DUXA: variants seen among roughly 807,000 people sequenced by gnomAD.
The protein encoded by DUXA is double homeobox A, also known as double homeobox protein A.
A neutral mutation model predicts 27.5 loss-of-function variants in DUXA; 25 were observed. The ratio of observed to expected loss-of-function variants is 0.91; its 90% confidence interval spans 0.66 to 1.27. The LOEUF (loss-of-function observed/expected upper bound fraction) is 1.27. Among genes scored for constraint, DUXA ranks in the 50% most tolerant of loss-of-function variants. The probability of loss-of-function intolerance (pLI) is 0.00; values close to 1 mark genes in which losing one functional copy is unlikely to be tolerated. For missense variants in DUXA, 247 were observed against 242.9 expected (o/e 1.02, Z -0.11); for synonymous variants, 90 against 80.5 (o/e 1.12, Z -0.63).
At chr19:57,156,789 G>A (rs548987171) in intron 4 of DUXA, among the ~76,000 whole-genome samples, 4 of 152,080 alleles carry the variant, frequency 2.6e-5, no homozygotes, top group Non-Finnish European at 4.4e-5. Context: ...CTCAGCCTCC[G>A]GAGTAGCTGG....
At chr19:57,162,824 T>C (rs1220666779) in intron 1 of DUXA, among the ~76,000 whole-genome samples, 1 of 152,160 alleles carries the variant, frequency 6.6e-6, no homozygotes, top group Non-Finnish European at 1.5e-5. Flanking sequence ...TCCACCCACC[T>C]TGGCCTACCA....
intron 2 of DUXA, among the ~76,000 whole-genome samples, chr19:57,159,634 A>G (rs2122692494): frequency 6.6e-6 from 1 of 151,764 alleles, no homozygotes; most frequent in East Asian, 2.0e-4. Context: ...GCTGGTCTAG[A>G]ACTCCTGACC....
At chr19:57,158,656 GATA>G (rs1171093425) in intron 3 of DUXA, among the ~76,000 whole-genome samples, 183 bp from the exon 4 acceptor site, 2 of 152,156 alleles carry the variant, frequency 1.3e-5, no homozygotes, top group Non-Finnish European at 2.9e-5. Flanking sequence ...GACCCAGGAT[GATA>G]TGTCTGGGCT....
Position 57,158,322 on chromosome 19 carries a change from A to G in DUXA, c.438+6T>C, listed in dbSNP as rs1156671207. ...GAGATGGGACAACCACCTTCTTATC[A>G]CTCACTTGGACTCTTGACTCTGGAA... On this transcript the variant is annotated splice_donor_region_variant and intron_variant, in intron 4 of 5. Coordinates refer to ENST00000554048, the MANE Select transcript of DUXA (RefSeq NM_001012729.2). 1.9e-6 allele frequency: 3 copies of G among 1,611,304 alleles called. No individual in the cohort carries two copies. The East Asian group carries it at 6.7e-5, about 36-fold the overall frequency.
intron 2 of DUXA, 138 bp downstream of exon 2, chr19:57,160,505 C>A: frequency 9.7e-7 from 1 of 1,032,248 alleles, no homozygotes; most frequent in East Asian, 2.4e-5. Context: ...AGACCAACAC[C>A]TTCGTGGGTT....
At chr19:57,154,563 T>A in intron 5 of DUXA, 81 bp from the exon 6 acceptor site, 7 of 1,123,778 alleles carry the variant, frequency 6.2e-6, no homozygotes, top group Non-Finnish European at 8.9e-6. Context: ...TTTTCCCACC[T>A]TTTCTTTTTT....
intron 4 of DUXA, among the ~76,000 whole-genome samples, chr19:57,156,821 T>G (rs1374606479): frequency 6.6e-6 from 1 of 152,138 alleles, no homozygotes; most frequent in Non-Finnish European, 1.5e-5. Flanking sequence ...TGCACCACCA[T>G]GCCCAGCTAA....
intron 1 of DUXA, among the ~76,000 whole-genome samples, chr19:57,165,324 A>AAATATATATATATATATATATATAT (rs1491567041): frequency 1.0e-4 from 9 of 89,264 alleles, no homozygotes; most frequent in Admixed American, 6.5e-4. Flanking sequence ...AAAAAAAAAA[A>AAATATATATATATATATATATATAT]ATATATATAT....
chr19:57,154,552 C>T (rs2086981367), intron 5 of DUXA, 70 bp from the exon 6 acceptor site: 1 of 1,214,990 alleles, frequency 8.2e-7, no homozygotes, highest in Non-Finnish European at 1.2e-6. Flanking sequence ...GGACGTCAGC[C>T]TTTTCCCACC....
chr19:57,157,752 A>G (rs992108124), intron 4 of DUXA, among the ~76,000 whole-genome samples: 1 of 152,066 alleles, frequency 6.6e-6, no homozygotes, highest in Non-Finnish European at 1.5e-5. Context: ...GCACTTTGGG[A>G]AGCCAAGGAG....
At chr19:57,161,610 G>A (rs577355624) in intron 1 of DUXA, among the ~76,000 whole-genome samples, 25 of 148,450 alleles carry the variant, frequency 1.7e-4, no homozygotes, top group East Asian at 5.9e-4. Flanking sequence ...GTGACAGAGC[G>A]AGACTCCGTC....
chr19:57,155,479 C>T, intron 4 of DUXA, 107 bp from the exon 5 acceptor site: 1 of 809,840 alleles, frequency 1.2e-6, no homozygotes, highest in Non-Finnish European at 2.0e-6. Context: ...AGCGGTCTCT[C>T]TCAGAGTAGC....
intron 2 of DUXA, among the ~76,000 whole-genome samples, 193 bp downstream of exon 2, chr19:57,160,450 G>A (rs554153653): frequency 6.6e-6 from 1 of 152,302 alleles, no homozygotes; most frequent in Non-Finnish European, 1.5e-5. Flanking sequence ...CTCACCTCCT[G>A]TGAGCTCGCT....
At chr19:57,155,202 T>C in intron 5 of DUXA, 65 bp downstream of exon 5, 1 of 1,449,278 alleles carries the variant, frequency 6.9e-7, no homozygotes, top group Admixed American at 1.7e-5. Flanking sequence ...GGCTCCACCA[T>C]GACGAAGCAC....
rs770723752 is a variant in DUXA at position 57,159,282 on chromosome 19, A to G, written c.181-4T>C. On this transcript the variant is annotated splice_polypyrimidine_tract_variant and splice_region_variant and intron_variant, in intron 2 of 5. Coordinates refer to ENST00000554048, the MANE Select transcript of DUXA (RefSeq NM_001012729.2). ...CTCTTCGATTCTGAAACCAAATCTAAGTGAGGAAAAGAAAAGGAGAGAATT... is the reference window on the plus strand; with the variant it reads ...CTCTTCGATTCTGAAACCAAATCTAGGTGAGGAAAAGAAAAGGAGAGAATT... 22 of 1,612,114 alleles carry G rather than the reference A, an allele frequency of 1.4e-5. 1 individual carries two copies. In the South Asian group the frequency reaches 2.4e-4, roughly 18 times the overall value.
intron 1 of DUXA, among the ~76,000 whole-genome samples, chr19:57,163,000 A>G (rs955384735): frequency 6.6e-6 from 1 of 151,716 alleles, no homozygotes; most frequent in African/African-American, 2.4e-5. Flanking sequence ...CATACGCGAC[A>G]TTCCATACCT....
intron 1 of DUXA, among the ~76,000 whole-genome samples, chr19:57,162,838 T>C (rs767477550): frequency 1.3e-5 from 2 of 152,164 alleles, no homozygotes; most frequent in Non-Finnish European, 2.9e-5. Flanking sequence ...CCTACCACAT[T>C]GCTGGGATTA....
At chr19:57,157,168 A>G (rs529952158) in intron 4 of DUXA, among the ~76,000 whole-genome samples, 116 of 152,326 alleles carry the variant, frequency 7.6e-4, no homozygotes, top group African/African-American at 2.7e-3. Context: ...AGAACTACTA[A>G]TGTGCATTCA....
intron 1 of DUXA, among the ~76,000 whole-genome samples, chr19:57,165,324 A>AAAATATATATATATATAT (rs1491567041): frequency 2.2e-5 from 2 of 89,284 alleles, no homozygotes; most frequent in Non-Finnish European, 4.6e-5. Flanking sequence ...AAAAAAAAAA[A>AAAATATATATATATATAT]ATATATATAT....
Sources: gnomAD v4.1 joint callset for allele counts (sites outside exome capture counted in the v4.1 genomes callset) on GRCh38, gnomAD v4.1.1 for gene constraint, MANE v1.5 for transcripts, NCBI Gene and HGNC (gene_info 2026-07-23, HGNC 2026-07-21) for gene names.